STOX1: variants seen among roughly 807,000 people sequenced by gnomAD.
The protein encoded by STOX1 is storkhead-box protein 1.
In STOX1, 57 loss-of-function variants were observed where a neutral mutation model predicts 74.8. The observed-to-expected ratio is 0.76, with a 90% CI of 0.62 to 0.95. STOX1 has a LOEUF of 0.95. STOX1 is among the 40% of genes least tolerant of loss of function. The pLI, the probability that STOX1 is intolerant of heterozygous loss-of-function variation, is 0.00. For missense variants in STOX1, 1,010 were observed against 1,117.0 expected (o/e 0.90, Z 1.37); for synonymous variants, 375 against 401.3 (o/e 0.93, Z 0.78).
intron 3 of STOX1, among the ~76,000 whole-genome samples, chr10:68,888,883 C>G (rs1841033156): frequency 8.1e-6 from 1 of 123,470 alleles, no homozygotes; most frequent in African/African-American, 3.1e-5. Context: ...GTCTCAAACT[C>G]CTGGGCTCAA....
intron 1 of STOX1, among the ~76,000 whole-genome samples, chr10:68,847,359 T>G (rs1210769173): frequency 6.6e-6 from 1 of 151,628 alleles, no homozygotes; most frequent in Non-Finnish European, 1.5e-5. Context: ...TGTGGGGGAG[T>G]TTGTTTTGTT....
At chr10:68,879,477 T>A (rs1180111023) in intron 1 of STOX1, among the ~76,000 whole-genome samples, 1 of 152,182 alleles carries the variant, frequency 6.6e-6, no homozygotes, top group East Asian at 1.9e-4. Context: ...CTTACGCCCT[T>A]GATACACTTT....
chr10:68,865,056 T>A (rs1252264499), intron 1 of STOX1, among the ~76,000 whole-genome samples: 1 of 152,166 alleles, frequency 6.6e-6, no homozygotes, highest in Non-Finnish European at 1.5e-5. Context: ...AAACCAAATT[T>A]TGCAAGTGAT....
At chr10:68,889,995 G>T (rs1197184287) in intron 3 of STOX1, among the ~76,000 whole-genome samples, 56 of 149,866 alleles carry the variant, frequency 3.7e-4, no homozygotes, top group Non-Finnish European at 3.0e-5. Context: ...CACCATGTTG[G>T]CCAGGCTGGT....
chr10:68,843,649 C>G (rs1459798964), intron 1 of STOX1, among the ~76,000 whole-genome samples: 1 of 152,062 alleles, frequency 6.6e-6, no homozygotes, highest in Admixed American at 6.6e-5. Context: ...CCTCTGCCTT[C>G]CGGGTTCAAG....
Position 68,884,797 on chromosome 10 carries a change from C to G in STOX1, c.1001C>G (p.Ser334Cys), listed in dbSNP as rs745859096. The G allele has an allele frequency of 6.8e-6, 11 of 1,614,210 alleles. No homozygotes were observed. Among genetic ancestry groups the G allele is most frequent in the South Asian group, 2.2e-5 (2 of 91,078 alleles). ...EKPKTEHSSF[S>C]AQFPPEEWPV... ...CCCAAAACAGAACACAGCAGTTTCT[C>G]TGCTCAGTTCCCACCTGAAGAATGG... The change falls in exon 3 of 4, where the codon TCT becomes TGT. Residue 334 changes from serine to cysteine, a missense_variant. By Grantham distance (112) the Ser-to-Cys change is moderately radical (BLOSUM62 -1). Coordinates refer to ENST00000298596, the MANE Select transcript of STOX1 (RefSeq NM_152709.5).
intron 1 of STOX1, among the ~76,000 whole-genome samples, chr10:68,876,702 CAA>C (rs957215048): frequency 6.6e-6 from 1 of 152,186 alleles, no homozygotes; most frequent in African/African-American, 2.4e-5. Flanking sequence ...TGCTCTGGCT[CAA>C]AGTCTCTCCT....
intron 3 of STOX1, among the ~76,000 whole-genome samples, chr10:68,888,627 ATTTT>A (rs747038041): frequency 9.3e-6 from 1 of 107,806 alleles, no homozygotes; most frequent in Non-Finnish European, 1.9e-5. Context: ...CTTTGCCAGT[ATTTT>A]TTTTTTTTTT....
At chr10:68,889,104 TGG>T (rs914899618) in intron 3 of STOX1, among the ~76,000 whole-genome samples, 1 of 152,022 alleles carries the variant, frequency 6.6e-6, no homozygotes, top group Non-Finnish European at 1.5e-5. Flanking sequence ...CCTCAGCTTC[TGG>T]AGTAGCTTGG....
chr10:68,872,988 T>G (rs985053560), intron 1 of STOX1, among the ~76,000 whole-genome samples: 1 of 151,904 alleles, frequency 6.6e-6, no homozygotes, highest in African/African-American at 2.4e-5. Flanking sequence ...TTTACTGGAG[T>G]GCTCAGATAT....
intron 1 of STOX1, among the ~76,000 whole-genome samples, chr10:68,858,958 T>C (rs1332548677): frequency 6.6e-6 from 1 of 152,082 alleles, no homozygotes; most frequent in Non-Finnish European, 1.5e-5. Context: ...CCAGCTCCTG[T>C]CACCACAAAG....
Position 68,884,622 on chromosome 10 carries a change from G to T in STOX1, c.826G>T (p.Val276Leu), listed in dbSNP as rs529983383. ...RKSHRGLGES[V>L]SWVQNGAVSV... ...GAGTCACAGAGGTCTTGGGGAATCC[G>T]TATCTTGGGTACAGAATGGGGCAGT... The change falls in exon 3 of 4, where the codon GTA (valine) becomes TTA (leucine). Residue 276 changes from valine (V) to leucine (L), a missense_variant. Transcript: ENST00000298596. The T allele has an allele frequency of 6.2e-7, 1 of 1,613,996 alleles. No homozygotes were observed. The highest frequency in any genetic ancestry group is 1.1e-5 in the South Asian group (1 of 91,080).
At position 68,885,963 on chromosome 10, in the gene STOX1, A is replaced by C; in HGVS notation, c.2167A>C (p.Asn723His). Residue 723 changes from asparagine to histidine, a missense_variant, in exon 3 of 4, where the codon AAT (asparagine) becomes CAT (histidine). Coordinates refer to ENST00000298596, the MANE Select transcript of STOX1 (RefSeq NM_152709.5). Reference protein sequence around the residue: ...LSNDDQALYQNEVEDDDGACS... With the variant: ...LSNDDQALYQHEVEDDDGACS... ...TAACGATGACCAGGCCTTGTATCAG[A>C]ATGAAGTGGAAGATGATGATGGTGC... 3.7e-6 allele frequency: 6 copies of C among 1,614,202 alleles called. No homozygotes were observed. Among genetic ancestry groups the C allele is most frequent in the Non-Finnish European group, 5.1e-6 (6 of 1,180,050 alleles).
intron 1 of STOX1, among the ~76,000 whole-genome samples, chr10:68,865,374 G>C (rs1004203285): frequency 6.6e-6 from 1 of 152,208 alleles, no homozygotes; most frequent in Non-Finnish European, 1.5e-5. Context: ...TTTTGGCCGG[G>C]CGCAGTGGCT....
chr10:68,839,055 T>A (rs1424103165), intron 1 of STOX1, among the ~76,000 whole-genome samples: 1 of 152,210 alleles, frequency 6.6e-6, no homozygotes, highest in Non-Finnish European at 1.5e-5. Flanking sequence ...AGTAATTTCA[T>A]CCCATATCCA....
intron 1 of STOX1, among the ~76,000 whole-genome samples, chr10:68,881,171 G>A (rs929148314): frequency 2.0e-5 from 3 of 152,140 alleles, no homozygotes; most frequent in Non-Finnish European, 4.4e-5. Flanking sequence ...GGGTTTCCAT[G>A]GATATCCAGC....
At chr10:68,844,134 C>T (rs898856336) in intron 1 of STOX1, among the ~76,000 whole-genome samples, 22 of 151,124 alleles carry the variant, frequency 1.5e-4, no homozygotes, top group Admixed American at 3.9e-4. Flanking sequence ...GAGTCGAGAT[C>T]GCGCCACTGC....
At chr10:68,833,988 T>C (rs1717667551) in intron 1 of STOX1, among the ~76,000 whole-genome samples, 1 of 152,218 alleles carries the variant, frequency 6.6e-6, no homozygotes, top group South Asian at 2.1e-4. Context: ...GGAAACTGGC[T>C]GGTTCACACA....
At chr10:68,876,244 G>A (rs1252522687) in intron 1 of STOX1, among the ~76,000 whole-genome samples, 2 of 151,646 alleles carry the variant, frequency 1.3e-5, no homozygotes, top group Non-Finnish European at 2.9e-5. Flanking sequence ...CGCAACCTCT[G>A]CCTTCCGGGT....
Sources: gnomAD v4.1 joint callset for allele counts (sites outside exome capture counted in the v4.1 genomes callset) on GRCh38, gnomAD v4.1.1 for gene constraint, MANE v1.5 for transcripts, NCBI Gene and HGNC (gene_info 2026-07-23, HGNC 2026-07-21) for gene names.